PPP2R2D: variants seen among roughly 807,000 people sequenced by gnomAD.
PPP2R2D encodes protein phosphatase 2 regulatory subunit Bdelta.
A neutral mutation model predicts 31.1 loss-of-function variants in PPP2R2D; 9 were observed. The observed-to-expected ratio is 0.29, with a 90% CI of 0.17 to 0.51. The LOEUF (loss-of-function observed/expected upper bound fraction) is 0.51, where lower values mean the gene tolerates loss of function less well. Ranked by LOEUF, PPP2R2D falls within the 20% of genes least tolerant of loss-of-function variation. PPP2R2D has a pLI of 0.98. For missense variants in PPP2R2D, 391 were observed against 465.6 expected (o/e 0.84, Z 1.48); for synonymous variants, 179 against 172.6 (o/e 1.04, Z -0.29).
chr10:131,926,038 T>C (rs564484791), intron 2 of PPP2R2D, among the ~76,000 whole-genome samples: 56 of 152,214 alleles, frequency 3.7e-4, no homozygotes, highest in African/African-American at 1.3e-3. Context: ...TTAGGCGACT[T>C]CCCCCACCCC....
chr10:131,932,660 A>AAAAAAAAAAAAC (rs2036260281), intron 2 of PPP2R2D, among the ~76,000 whole-genome samples: 1 of 149,642 alleles, frequency 6.7e-6, no homozygotes, highest in Non-Finnish European at 1.5e-5. Context: ...AAAAAAAAAA[A>AAAAAAAAAAAAC]AAAAAAAACA....
chr10:131,912,695 A>G (rs1269497763), intron 2 of PPP2R2D: 8 of 152,338 alleles, frequency 5.3e-5, no homozygotes, highest in Admixed American at 3.9e-4. Context: ...AATAGGTGCT[A>G]TACCCATTAT....
intron 2 of PPP2R2D, among the ~76,000 whole-genome samples, chr10:131,919,796 G>T (rs1289817596): frequency 3.5e-5 from 5 of 144,124 alleles, no homozygotes; most frequent in Non-Finnish European, 7.6e-5. Flanking sequence ...ATGACACAGT[G>T]TAGGGACCTC....
rs2036856499 is a variant in PPP2R2D at position 131,958,389 on chromosome 10, TCA to T, written c.*2427_*2428del. The T allele has an allele frequency of 7.0e-6, 1 of 142,284 alleles. No individual in the cohort carries two copies. Among genetic ancestry groups the T allele is most frequent in the Non-Finnish European group, 1.4e-5 (1 of 74,018 alleles). The allele number at this position is 142,284 out of a possible 1,614,324, so 8.8% of individuals were successfully genotyped here. On this transcript the variant is annotated 3_prime_UTR_variant, in exon 9 of 9. Transcript: ENST00000455566. Reference sequence around the variant, plus strand: ...GGAGATGAAGGTGTGTGCTGATTCCTCATGCCCCTGTGGAGATGGAGGTGTGT... The same window carrying T: ...GGAGATGAAGGTGTGTGCTGATTCCTTGCCCCTGTGGAGATGGAGGTGTGT...
chr10:131,906,169 T>TG (rs2035578892), intron 2 of PPP2R2D, among the ~76,000 whole-genome samples: 1 of 152,176 alleles, frequency 6.6e-6, no homozygotes, highest in African/African-American at 2.4e-5. Flanking sequence ...AGGGAAGCTA[T>TG]GGGTCTTGCT....
In PPP2R2D at chr10:131,955,787, G is replaced by T. The variant is rs1017840584; in HGVS notation, c.1186G>T (p.Ala396Ser). ...CTCGAGAGAGAGCAGCAAACCGCGC[G>T]CCAGCCTCAAACCCCGGAAGGTGTG... The part of the protein sequence containing the change: ...EASRESSKPR[A>S]SLKPRKVCTG... Residue 396 changes from alanine (A) to serine (S), a missense_variant, in exon 9 of 9, where the codon GCC becomes TCC. This residue lies in a region of PPP2R2D where 163 missense variants were observed against 179.5 expected (regional missense o/e 0.91). Transcript: ENST00000455566. 1.3e-6 allele frequency: 2 copies of T among 1,594,926 alleles called. No individual in the cohort carries two copies. The highest frequency in any genetic ancestry group is 2.7e-5 in the African/African-American group (2 of 74,210).
At chr10:131,933,966 A>G (rs949987169) in intron 2 of PPP2R2D, among the ~76,000 whole-genome samples, 21 of 152,302 alleles carry the variant, frequency 1.4e-4, no homozygotes, top group Admixed American at 3.9e-4. Context: ...TGGAACTTCT[A>G]CTGTCTAGAA....
rs1002157419 is a variant in PPP2R2D at position 131,957,330 on chromosome 10, G to A, written c.*1367G>A. ...TGTGCTGATTGCCTGTGCCCCTGTG[G>A]AGAAGGAGGTGTGTGCTGATCCCCT... is the stretch of plus-strand genomic sequence containing the variant. On this transcript the variant is annotated 3_prime_UTR_variant, in exon 9 of 9. Coordinates refer to ENST00000455566, the MANE Select transcript of PPP2R2D (RefSeq NM_018461.5). 2 of 185,000 alleles carry A rather than the reference G, an allele frequency of 1.1e-5. No individual in the cohort carries two copies. Among genetic ancestry groups the A allele is most frequent in the Non-Finnish European group, 2.3e-5 (2 of 88,018 alleles). 11.5% of individuals were successfully genotyped at this position (185,000 alleles called of 1,614,324 possible).
rs1033745327 is a variant in PPP2R2D at position 131,907,475 on chromosome 10, T to C, written c.100+6145T>C. 2.7e-3 allele frequency among the ~76,000 whole-genome samples: 404 copies of C among 152,236 alleles called. 1 individual carries two copies. Among genetic ancestry groups the C allele is most frequent in the Non-Finnish European group, 4.8e-3 (329 of 67,998 alleles). On this transcript the variant is annotated intron_variant, in intron 2 of 8. Coordinates refer to ENST00000455566, the MANE Select transcript of PPP2R2D (RefSeq NM_018461.5). Reference sequence around the variant, plus strand: ...TCACAGACTCGCCGGGCGCAGTGGTTCACGCCTGTAATCCCAGCACTTTGG... The same window carrying C: ...TCACAGACTCGCCGGGCGCAGTGGTCCACGCCTGTAATCCCAGCACTTTGG...
intron 5 of PPP2R2D, among the ~76,000 whole-genome samples, chr10:131,941,118 C>T (rs1252993766): frequency 1.3e-5 from 2 of 152,110 alleles, no homozygotes; most frequent in East Asian, 3.9e-4. Context: ...GGACGCTTCT[C>T]GGGGAATTTC....
At chr10:131,916,300 A>G (rs558949192) in intron 2 of PPP2R2D, among the ~76,000 whole-genome samples, 1 of 150,906 alleles carries the variant, frequency 6.6e-6, no homozygotes, top group South Asian at 2.1e-4. Flanking sequence ...TACAGAGAGA[A>G]ATGTGACACC....
chr10:131,932,048 G>A (rs1028109940), intron 2 of PPP2R2D, among the ~76,000 whole-genome samples: 1 of 152,076 alleles, frequency 6.6e-6, no homozygotes, highest in Non-Finnish European at 1.5e-5. Flanking sequence ...TCTGACACCT[G>A]GGCGGGGGTG....
chr10:131,970,541 G>T, the PPP2R2D span: 1 of 1,465,768 alleles, frequency 6.8e-7, no homozygotes, highest in Admixed American at 2.0e-5. This position sits in a 1 kb window ranked among gnomAD's most constrained non-coding sequence, Gnocchi z 4.1. Flanking sequence ...TGTAACTGAT[G>T]ATCTGGACTT....
At chr10:131,926,145 C>T (rs1381753104) in intron 2 of PPP2R2D, among the ~76,000 whole-genome samples, 4 of 152,174 alleles carry the variant, frequency 2.6e-5, no homozygotes, top group Middle Eastern at 6.3e-3. Flanking sequence ...ATCAGTAATT[C>T]GGATAAACTC....
chr10:131,933,166 G>T (rs1215098090), intron 2 of PPP2R2D, among the ~76,000 whole-genome samples: 2 of 152,136 alleles, frequency 1.3e-5, no homozygotes, highest in African/African-American at 4.8e-5. Flanking sequence ...GAACTCCCAG[G>T]CCAGGGATTC....
At chr10:131,946,937 C>T (rs563063640) in intron 7 of PPP2R2D, among the ~76,000 whole-genome samples, 3 of 151,934 alleles carry the variant, frequency 2.0e-5, no homozygotes, top group East Asian at 3.9e-4. Flanking sequence ...TGGCTTTGAC[C>T]GGCGGGACCG....
At chr10:131,942,125 C>T (rs1324810618) in intron 5 of PPP2R2D, among the ~76,000 whole-genome samples, 2 of 152,116 alleles carry the variant, frequency 1.3e-5, no homozygotes, top group African/African-American at 2.4e-5. Flanking sequence ...CAGCCTTGTC[C>T]ATCTCTTCTG....
intron 8 of PPP2R2D, among the ~76,000 whole-genome samples, chr10:131,949,787 T>G (rs1235332734): frequency 8.0e-6 from 1 of 124,600 alleles, no homozygotes; most frequent in Non-Finnish European, 1.7e-5. Flanking sequence ...TCAGAGAACA[T>G]CTAGAAATGA....
At position 131,956,447 on chromosome 10, in the gene PPP2R2D, G is replaced by A. The variant is rs895918563; in HGVS notation, c.*484G>A. The A allele has an allele frequency of 2.5e-5, 25 of 985,506 alleles. No homozygotes were observed. The highest frequency in any genetic ancestry group is 2.3e-4 in the South Asian group (5 of 21,280). 61.0% of individuals were successfully genotyped at this position (985,506 alleles called of 1,614,324 possible). ...CTCTGTGGATGTGTGGATGTGGCCC[G>A]AGCAGGCTCAGGCGGCCCCACTCAC... On this transcript the variant is annotated 3_prime_UTR_variant, in exon 9 of 9. Coordinates refer to ENST00000455566, the MANE Select transcript of PPP2R2D (RefSeq NM_018461.5).
Sources: gnomAD v4.1 joint callset for allele counts (sites outside exome capture counted in the v4.1 genomes callset) on GRCh38, gnomAD v4.1.1 for gene constraint, gnomAD v4.1.1 regional missense constraint, Gnocchi (gnomAD v3.1) non-coding constraint, MANE v1.5 for transcripts, NCBI Gene and HGNC (gene_info 2026-07-23, HGNC 2026-07-21) for gene names.